Variants in INO80B observed in about 807,000 individuals in gnomAD.
INO80B encodes IES2 homolog.
A neutral mutation model predicts 31.4 loss-of-function variants in INO80B; 18 were observed. The observed-to-expected ratio is 0.57, with a 90% CI of 0.40 to 0.85. The LOEUF (loss-of-function observed/expected upper bound fraction) is 0.85. INO80B is among the 40% of genes least tolerant of loss of function. The pLI is 0.00. For missense variants in INO80B, 469 were observed against 475.4 expected (o/e 0.99, Z 0.13); for synonymous variants, 238 against 199.0 (o/e 1.20, Z -1.65).
At position 74,457,709 on chromosome 2, in the gene INO80B, C is replaced by G. The variant is rs776463048; in HGVS notation, c.916C>G (p.Pro306Ala). 2 of 1,599,950 alleles carry G rather than the reference C, an allele frequency of 1.3e-6. No individual in the cohort carries two copies. The highest frequency in any genetic ancestry group is 1.7e-5 in the Admixed American group (1 of 59,880). ...TCAGCGGCCATCCCCCTCAGGCCCG[C>G]CGCCGCGCTGCTCTGTCCCCGGCTG... ...VSQRPSPSGP[P>A]PRCSVPGCPH... The change falls in exon 5 of 5, where the codon CCG (proline) becomes GCG (alanine). Residue 306 changes from proline (P) to alanine (A), a missense_variant. This residue lies in a region of INO80B where 201 missense variants were observed against 151.7 expected (regional missense o/e 1.32). Transcript: ENST00000233331.
chr2:74,455,904 G>A lies in INO80B; in HGVS notation c.338G>A (p.Gly113Glu). 6.2e-7 allele frequency: 1 copy of A among 1,613,662 alleles called. No homozygotes were observed. Among genetic ancestry groups the A allele is most frequent in the South Asian group, 1.1e-5 (1 of 91,064 alleles). ...VVDNEEEPME[G>E]VPLEQYRAWL... ...GATAATGAAGAGGAACCTATGGAAG[G>A]AGTCCCCCTTGAGCAGTACCGTGCC... The change falls in exon 3 of 5, where the codon GGA (glycine) becomes GAA (glutamate). Residue 113 changes from glycine (G) to glutamate (E), a missense_variant. By Grantham distance (98) the Gly-to-Glu change is moderately conservative (BLOSUM62 -2). Coordinates refer to ENST00000233331, the MANE Select transcript of INO80B (RefSeq NM_031288.4).
Position 74,457,898 on chromosome 2 carries a change from G to A in INO80B, c.*34G>A, listed in dbSNP as rs369116918. The stretch of plus-strand genomic sequence containing the variant: ...ACCCGGACTCTGCGCCCCGTCCCAT[G>A]CCCGCTCTTGAGTATCTTCCCCACC... On this transcript the variant is annotated 3_prime_UTR_variant, in exon 5 of 5. Coordinates refer to ENST00000233331, the MANE Select transcript of INO80B (RefSeq NM_031288.4). 8.0e-6 allele frequency: 12 copies of A among 1,495,918 alleles called. No homozygotes were observed. Among genetic ancestry groups the A allele is most frequent in the African/African-American group, 4.3e-5 (3 of 70,022 alleles). The allele number at this position is 1,495,918 out of a possible 1,614,324, so 92.7% of individuals were successfully genotyped here. A position where few individuals can be genotyped will look rare whatever the true frequency, so the allele number is the denominator to read the frequency against.
intron 2 of INO80B, 36 bp downstream of exon 2, chr2:74,455,634 C>A: frequency 6.4e-7 from 1 of 1,567,834 alleles, no homozygotes; most frequent in Non-Finnish European, 8.6e-7. Context: ...ATAAGGGGAA[C>A]TTTAGGAGCA....
At position 74,455,635 on chromosome 2, in the gene INO80B, T is replaced by C. The variant is rs769771151; in HGVS notation, c.251+37T>C. 1.9e-6 allele frequency: 3 copies of C among 1,566,976 alleles called. No homozygotes were observed. In the Admixed American group the frequency reaches 5.8e-5, roughly 30 times the overall value. The stretch of plus-strand genomic sequence containing the variant: ...AGGGTCATAGTTTTATAAGGGGAAC[T>C]TTAGGAGCAGAGATAGTAGTTAGAA... On this transcript the variant is annotated intron_variant, in intron 2 of 4. Transcript: ENST00000233331.
At position 74,455,132 on chromosome 2, in the gene INO80B, C is replaced by T. The variant is rs77721432; in HGVS notation, c.16C>T (p.Arg6Trp). ...GCAGGACCTCATGAGTAAGCTGTGG[C>T]GGCGTGGGAGCACCTCTGGGGCTAT... The part of the protein sequence containing the change: MSKLW[R>W]RGSTSGAMEA... The change falls in exon 1 of 5, where the codon CGG becomes TGG. Residue 6 changes from arginine to tryptophan, a missense_variant. Physicochemically the swap from Arg to Trp is moderately radical, Grantham distance 101. Coordinates refer to ENST00000233331, the MANE Select transcript of INO80B (RefSeq NM_031288.4). 60 of 1,614,178 alleles carry T rather than the reference C, an allele frequency of 3.7e-5. No homozygotes were observed. The East Asian group carries it at 8.9e-4, about 24-fold the overall frequency.
At chr2:74,456,030 C>T (rs1194867009) in intron 3 of INO80B, 73 bp from the exon 4 acceptor site, 12 of 1,552,862 alleles carry the variant, frequency 7.7e-6, no homozygotes, top group Non-Finnish European at 9.7e-6. Flanking sequence ...TTCCATGTCC[C>T]AGTATTAACT....
chr2:74,456,972 G>A (rs893124371), intron 4 of INO80B, among the ~76,000 whole-genome samples: 2 of 152,178 alleles, frequency 1.3e-5, no homozygotes, highest in Non-Finnish European at 2.9e-5. Flanking sequence ...TTTGGCTTGA[G>A]CAGTTATCCA....
chr2:74,457,614 G>T lies in INO80B; in HGVS notation c.821G>T (p.Arg274Leu). The change falls in exon 5 of 5, where the codon CGC becomes CTC. Residue 274 changes from arginine (R) to leucine (L), a missense_variant. Around this residue, in one of 3 missense-constraint regions of INO80B, gnomAD observed 201 missense variants for 151.7 expected, o/e 1.32. Coordinates refer to ENST00000233331, the MANE Select transcript of INO80B (RefSeq NM_031288.4). The stretch of plus-strand genomic sequence containing the variant: ...GCTGCGGCTCCGGCCCCCATGGTGC[G>T]CTACTGCAGCGGAGCACAGGGTTCC... Reference protein sequence around the residue: ...GRAAAPAPMVRYCSGAQGSTL... With the variant: ...GRAAAPAPMVLYCSGAQGSTL... 1 of 1,575,474 alleles carries T rather than the reference G, an allele frequency of 6.3e-7. No individual in the cohort carries two copies. The highest frequency in any genetic ancestry group is 8.6e-7 in the Non-Finnish European group (1 of 1,167,098).
At chr2:74,456,741 T>C (rs1033009797) in intron 4 of INO80B, among the ~76,000 whole-genome samples, 3 of 152,252 alleles carry the variant, frequency 2.0e-5, no homozygotes, top group Non-Finnish European at 2.9e-5. Flanking sequence ...TAGATTACTT[T>C]GGCATCTTTG....
In INO80B at chr2:74,455,392, C is replaced by T. The variant is rs1671666533; in HGVS notation, c.59-14C>T. On this transcript the variant is annotated splice_polypyrimidine_tract_variant and intron_variant, in intron 1 of 4. Transcript: ENST00000233331. Reference sequence around the variant, plus strand: ...CCTCCGGCCAAACACTGTCGACAGGCTTTCCTTCCACAGGAGAAGCCCTGG... The same window carrying T: ...CCTCCGGCCAAACACTGTCGACAGGTTTTCCTTCCACAGGAGAAGCCCTGG... The T allele has an allele frequency of 1.9e-6, 3 of 1,614,130 alleles. No individual in the cohort carries two copies. Among genetic ancestry groups the T allele is most frequent in the Non-Finnish European group, 2.5e-6 (3 of 1,180,010 alleles).
At chr2:74,455,994 G>A (rs934242716) in intron 3 of INO80B, 58 bp downstream of exon 3, 2 of 1,552,376 alleles carry the variant, frequency 1.3e-6, no homozygotes. Flanking sequence ...AAAGAAAGAA[G>A]GTTGGTTCTG....
At chr2:74,455,366 C>T (rs563520386) in intron 1 of INO80B, 40 bp from the exon 2 acceptor site, 1 of 1,612,326 alleles carries the variant, frequency 6.2e-7, no homozygotes, top group Non-Finnish European at 8.5e-7. Context: ...TCCCCTGCCA[C>T]CCTCCGGCCA....
chr2:74,456,331 C>T (rs1170657253), intron 4 of INO80B, 59 bp downstream of exon 4: 12 of 1,572,156 alleles, frequency 7.6e-6, no homozygotes, highest in Non-Finnish European at 9.6e-6. Flanking sequence ...GAACTCTCCA[C>T]GACCCACGCA....
At chr2:74,456,396 C>T (rs1330514984) in intron 4 of INO80B, 124 bp downstream of exon 4, 1 of 906,182 alleles carries the variant, frequency 1.1e-6, no homozygotes, top group Non-Finnish European at 1.7e-6. Context: ...TTTCTGTTCT[C>T]CTGGAGCTAG....
In INO80B at chr2:74,457,663, C is replaced by A. The variant is rs200772713; in HGVS notation, c.870C>A (p.Val290=). 34 of 1,599,686 alleles carry A rather than the reference C, an allele frequency of 2.1e-5. 1 individual carries two copies. The Admixed American group carries it at 3.8e-4, about 18-fold the overall frequency. The change falls in exon 5 of 5, where the codon GTC becomes GTA. Residue 290 remains valine, a synonymous_variant. Transcript: ENST00000233331. Reference sequence around the variant, plus strand: ...CCACCCTTTCCTTCCCACCTGGCGTCCCCGCCCCCACGGCAGTGTCTCAGC... The same window carrying A: ...CCACCCTTTCCTTCCCACCTGGCGTACCCGCCCCCACGGCAGTGTCTCAGC... ...QGSTLSFPPG[V]PAPTAVSQRP... is the part of the protein sequence containing the mutation.
In INO80B at chr2:74,455,895, C is replaced by G. The variant is rs1379380856; in HGVS notation, c.329C>G (p.Pro110Arg). 1 of 1,613,772 alleles carries G rather than the reference C, an allele frequency of 6.2e-7. No homozygotes were observed. The highest frequency in any genetic ancestry group is 8.5e-7 in the Non-Finnish European group (1 of 1,179,700). Residue 110 changes from proline (P) to arginine (R), a missense_variant, in exon 3 of 5, where the codon CCT becomes CGT. Coordinates refer to ENST00000233331, the MANE Select transcript of INO80B (RefSeq NM_031288.4). ...PLMVVDNEEEPMEGVPLEQYR... is the reference protein window; with the variant it reads ...PLMVVDNEEERMEGVPLEQYR... Reference sequence around the variant, plus strand: ...ATGGTTGTGGATAATGAAGAGGAACCTATGGAAGGAGTCCCCCTTGAGCAG... The same window carrying G: ...ATGGTTGTGGATAATGAAGAGGAACGTATGGAAGGAGTCCCCCTTGAGCAG...
At position 74,455,546 on chromosome 2, in the gene INO80B, C is replaced by A; in HGVS notation, c.199C>A (p.Pro67Thr). The A allele has an allele frequency of 6.2e-7, 1 of 1,613,910 alleles. No individual in the cohort carries two copies. Among genetic ancestry groups the A allele is most frequent in the Non-Finnish European group, 8.5e-7 (1 of 1,179,974 alleles). Residue 67 changes from proline to threonine, a missense_variant, in exon 2 of 5, where the codon CCT (proline) becomes ACT (threonine). By Grantham distance (38) the Pro-to-Thr change is conservative. Around this residue, in one of 3 missense-constraint regions of INO80B, gnomAD observed 223 missense variants for 253.4 expected, o/e 0.88. Transcript: ENST00000233331. ...AGPTQPSPAK[P>T]QLKLKIKLGG... ...GCCCACGCAGCCGTCCCCTGCCAAG[C>A]CTCAGCTCAAACTCAAAATCAAGCT...
At position 74,455,114 on chromosome 2, in the gene INO80B, C is replaced by G. The variant is rs766546659; in HGVS notation, c.-3C>G. ...TTCTAGTCCCCTTTCCTCGCAGGACCTCATGAGTAAGCTGTGGCGGCGTGG... is the reference window on the plus strand; with the variant it reads ...TTCTAGTCCCCTTTCCTCGCAGGACGTCATGAGTAAGCTGTGGCGGCGTGG... On this transcript the variant is annotated 5_prime_UTR_variant, in exon 1 of 5. Transcript: ENST00000233331. 1 of 1,614,076 alleles carries G rather than the reference C, an allele frequency of 6.2e-7. No individual in the cohort carries two copies. Among genetic ancestry groups the G allele is most frequent in the African/African-American group, 1.3e-5 (1 of 74,946 alleles).
At position 74,457,925 on chromosome 2, in the gene INO80B, TATTAA is replaced by T; in HGVS notation, c.*66_*70del. The T allele has an allele frequency of 1.4e-6, 2 of 1,423,748 alleles. No homozygotes were observed. The highest frequency in any genetic ancestry group is 1.4e-5 in the South Asian group (1 of 71,620). 88.2% of individuals were successfully genotyped at this position (1,423,748 alleles called of 1,614,324 possible). ...CCGCTCTTGAGTATCTTCCCCACCC[TATTAA>T]ATTACATCCGGTGCTTCGGCTTGTA... is the stretch of plus-strand genomic sequence containing the variant. On this transcript the variant is annotated 3_prime_UTR_variant, in exon 5 of 5. Coordinates refer to ENST00000233331, the MANE Select transcript of INO80B (RefSeq NM_031288.4).
Sources: gnomAD v4.1 joint callset for allele counts (sites outside exome capture counted in the v4.1 genomes callset) on GRCh38, gnomAD v4.1.1 for gene constraint, gnomAD v4.1.1 regional missense constraint, MANE v1.5 for transcripts, NCBI Gene and HGNC (gene_info 2026-07-23, HGNC 2026-07-21) for gene names.